SDK1: variants seen among roughly 807,000 people sequenced by gnomAD.
SDK1 encodes the protein sidekick cell adhesion molecule 1, also known as protein sidekick-1.
Under a neutral mutation model 245.5 loss-of-function variants are expected in SDK1, and 157 were observed. That is an observed-to-expected ratio of 0.64 (90% CI 0.56 to 0.73). The LOEUF (loss-of-function observed/expected upper bound fraction) is 0.73, where lower values mean the gene tolerates loss of function less well. Among genes scored for constraint, SDK1 ranks in the 30% least tolerant of loss-of-function variants. The pLI, the probability that SDK1 is intolerant of heterozygous loss-of-function variation, is 0.00. For missense variants in SDK1, 3,583 were observed against 3,002.3 expected, an observed-to-expected ratio of 1.19 and a Z score of -4.52; for synonymous variants, 1,647 against 1,278.5, an observed-to-expected ratio of 1.29 and a Z score of -6.15.
intron 1 of SDK1, among the ~76,000 whole-genome samples, chr7:3,553,264 T>G (rs1235818831): frequency 6.6e-6 from 1 of 152,208 alleles, no homozygotes; most frequent in Non-Finnish European, 1.5e-5. Flanking sequence ...AGGCAGTTAT[T>G]TTCCAATGAT....
At chr7:3,403,824 C>CATATATAT (rs10650660) in intron 1 of SDK1, among the ~76,000 whole-genome samples, 83 of 60,734 alleles carry the variant, frequency 1.4e-3, no homozygotes, top group Non-Finnish European at 2.1e-3. Flanking sequence ...AAATATCTTA[C>CATATATAT]ATATATATAT....
At chr7:4,099,794 C>T (rs774956332) in intron 22 of SDK1, among the ~76,000 whole-genome samples, 14 of 150,652 alleles carry the variant, frequency 9.3e-5, no homozygotes, top group Non-Finnish European at 1.6e-4. Context: ...CAAGGGGAGC[C>T]GCAGCTGGTG....
At chr7:4,130,852 C>T (rs1363371375) in intron 27 of SDK1, among the ~76,000 whole-genome samples, 2 of 152,146 alleles carry the variant, frequency 1.3e-5, no homozygotes, top group African/African-American at 2.4e-5. Context: ...CCCTGGGGAT[C>T]GGAGTGGCTG....
Position 3,651,015 on chromosome 7 carries a change from T to C in SDK1, c.713+8910T>C, listed in dbSNP as rs116748744. ...TTGGCCATGATGAATAAAGTTGCTA[T>C]AAACATTCTTGTTCCTTTTTTCTGT... On this transcript the variant is annotated intron_variant, in intron 4 of 44. Coordinates refer to ENST00000404826, the MANE Select transcript of SDK1 (RefSeq NM_152744.4). Among the ~76,000 whole-genome samples the C allele has an allele frequency of 8.2e-3, 1,247 of 152,224 alleles. 24 individuals are homozygous for C. Among genetic ancestry groups the C allele is most frequent in the African/African-American group, 0.029 (1,191 of 41,532 alleles).
intron 35 of SDK1, among the ~76,000 whole-genome samples, chr7:4,188,740 G>T (rs1384941823): frequency 3.3e-5 from 5 of 151,236 alleles, no homozygotes; most frequent in Non-Finnish European, 5.9e-5. Context: ...TAATTCTGGA[G>T]CCTGGCATGA....
chr7:3,532,287 G>C (rs1194449489), intron 1 of SDK1, among the ~76,000 whole-genome samples: 1 of 152,186 alleles, frequency 6.6e-6, no homozygotes, highest in Non-Finnish European at 1.5e-5. Context: ...CCAGGATCCA[G>C]GGAGGCTCAG....
intron 4 of SDK1, among the ~76,000 whole-genome samples, chr7:3,719,289 C>G (rs1374173021): frequency 1.4e-5 from 2 of 147,194 alleles, no homozygotes; most frequent in African/African-American, 5.0e-5. Flanking sequence ...CCTAGACAGT[C>G]TCATTCTGAA....
intron 35 of SDK1, among the ~76,000 whole-genome samples, chr7:4,188,045 A>T (rs576429217): frequency 6.6e-6 from 1 of 152,308 alleles, no homozygotes; most frequent in African/African-American, 2.4e-5. Context: ...AGACGTATTC[A>T]CTACCATGAG....
chr7:3,937,274 G>C (rs184694550), intron 5 of SDK1, among the ~76,000 whole-genome samples: 2 of 152,204 alleles, frequency 1.3e-5, no homozygotes, highest in Non-Finnish European at 2.9e-5. Flanking sequence ...CTAGGCCCTG[G>C]GAATGTGGGC....
chr7:3,759,785 G>A (rs1352776938), intron 4 of SDK1, among the ~76,000 whole-genome samples: 1 of 151,956 alleles, frequency 6.6e-6, no homozygotes, highest in Admixed American at 6.6e-5. Context: ...CAGAGACGGG[G>A]TTTCACCATG....
intron 38 of SDK1, 148 bp from the exon 39 acceptor site, chr7:4,219,961 A>T: frequency 1.1e-6 from 1 of 885,966 alleles, no homozygotes; most frequent in Non-Finnish European, 1.6e-6. Context: ...AAAATTGGCT[A>T]TTACCACCAT....
chr7:4,202,650 A>G (rs930947970), intron 35 of SDK1, among the ~76,000 whole-genome samples: 2 of 152,238 alleles, frequency 1.3e-5, no homozygotes, highest in African/African-American at 4.8e-5. Flanking sequence ...CGGAGGCTGA[A>G]TGAATGAGCA....
chr7:3,640,716 CTCTGTCACCCAGGCTG>C (rs1782621057), intron 3 of SDK1, among the ~76,000 whole-genome samples: 1 of 151,854 alleles, frequency 6.6e-6, no homozygotes, highest in South Asian at 2.1e-4. Flanking sequence ...CGGAGTCTGG[CTCTGTCACCCAGGCTG>C]GAGTGCAGTG....
chr7:4,248,499 C>T (rs940288385), intron 44 of SDK1, among the ~76,000 whole-genome samples: 6 of 151,344 alleles, frequency 4.0e-5, no homozygotes, highest in Non-Finnish European at 7.4e-5. Flanking sequence ...AACATATACA[C>T]ACCTAAATAC....
intron 4 of SDK1, among the ~76,000 whole-genome samples, chr7:3,790,386 G>A (rs1033932631): frequency 3.3e-5 from 5 of 152,160 alleles, no homozygotes; most frequent in African/African-American, 4.8e-5. Context: ...AGGTTCTAAC[G>A]AGGAGCCAGC....
At chr7:3,412,261 C>G (rs1779231302) in intron 1 of SDK1, among the ~76,000 whole-genome samples, 1 of 152,114 alleles carries the variant, frequency 6.6e-6, no homozygotes, top group African/African-American at 2.4e-5. Context: ...CAGGCTATTC[C>G]CCAGAGTCAC....
At chr7:4,109,244 T>C (rs1188983053) in intron 22 of SDK1, among the ~76,000 whole-genome samples, 18 of 152,156 alleles carry the variant, frequency 1.2e-4, no homozygotes, top group Admixed American at 1.1e-3. Flanking sequence ...CCACTGACCA[T>C]GTGGATGTTT....
chr7:3,891,206 G>A (rs570753246), intron 5 of SDK1, among the ~76,000 whole-genome samples: 278 of 152,288 alleles, frequency 1.8e-3, no homozygotes, highest in Non-Finnish European at 1.5e-3. Context: ...GTGTCCTGCT[G>A]GGCAAATATT....
intron 35 of SDK1, among the ~76,000 whole-genome samples, chr7:4,181,268 C>T (rs768036390): frequency 1.1e-4 from 16 of 152,226 alleles, no homozygotes; most frequent in Non-Finnish European, 2.2e-4. Context: ...TAGCAGATGT[C>T]GGAATTGCCT....
Sources: allele counts gnomAD v4.1 joint callset (sites outside exome capture counted in the v4.1 genomes callset), GRCh38; gene constraint gnomAD v4.1.1; transcripts MANE v1.5; gene names NCBI Gene and HGNC (gene_info 2026-07-23, HGNC 2026-07-21).